PTPRD: variants seen among roughly 807,000 people sequenced by gnomAD.
PTPRD encodes the protein receptor-type tyrosine-protein phosphatase delta.
In PTPRD, 34 loss-of-function variants were observed where a neutral mutation model predicts 214.5. The ratio of observed to expected loss-of-function variants is 0.16; its 90% CI spans 0.12 to 0.21. The LOEUF (loss-of-function observed/expected upper bound fraction) is 0.21. Among genes scored for constraint, PTPRD ranks in the 10% least tolerant of loss-of-function variants. The probability of loss-of-function intolerance (pLI) is 1.00; values close to 1 mark genes in which losing one functional copy is unlikely to be tolerated. For synonymous variants in PTPRD, 1,128 were observed against 845.7 expected (o/e 1.33, Z -5.79); for missense variants, 2,545 against 2,398.7 (o/e 1.06, Z -1.27).
At chr9:10,150,659 A>T (rs577946032) in intron 3 of PTPRD, among the ~76,000 whole-genome samples, 14 of 144,406 alleles carry the variant, frequency 9.7e-5, no homozygotes, top group Admixed American at 2.7e-4. Flanking sequence ...AAAGTAAAAT[A>T]AAAAAAAAAC....
At chr9:9,493,684 A>T (rs1233123670) in intron 8 of PTPRD, among the ~76,000 whole-genome samples, 1 of 148,594 alleles carries the variant, frequency 6.7e-6, no homozygotes, top group Admixed American at 6.7e-5. Flanking sequence ...GCTACTCAGG[A>T]GGCTGAGGCA....
intron 14 of PTPRD, among the ~76,000 whole-genome samples, chr9:8,587,759 A>C (rs1035565094): frequency 6.6e-6 from 1 of 152,238 alleles, no homozygotes; most frequent in African/African-American, 2.4e-5. Context: ...AACATGTGTT[A>C]CAAGAAAGGA....
intron 10 of PTPRD, among the ~76,000 whole-genome samples, chr9:9,068,539 C>G (rs898424447): frequency 6.6e-6 from 1 of 152,112 alleles, no homozygotes; most frequent in Non-Finnish European, 1.5e-5. Flanking sequence ...TTTTGTGTCA[C>G]TTTTAACACT....
intron 12 of PTPRD, among the ~76,000 whole-genome samples, chr9:8,705,403 T>G (rs1159662266): frequency 6.6e-6 from 1 of 152,150 alleles, no homozygotes; most frequent in East Asian, 1.9e-4. Context: ...TACCTAAATT[T>G]GTTTTGAAAC....
At chr9:10,066,635 C>T (rs2097891160) in intron 3 of PTPRD, among the ~76,000 whole-genome samples, 1 of 151,862 alleles carries the variant, frequency 6.6e-6, no homozygotes, top group African/African-American at 2.4e-5. Context: ...TGGCATGCAC[C>T]ACAGCTTCCT....
At chr9:8,408,676 T>C (rs778317520) in intron 35 of PTPRD, among the ~76,000 whole-genome samples, 10 of 152,186 alleles carry the variant, frequency 6.6e-5, no homozygotes, top group Admixed American at 2.0e-4. Context: ...AAGACAGATA[T>C]TGGATGAACC....
chr9:10,125,141 T>G (rs2098806084), intron 3 of PTPRD, among the ~76,000 whole-genome samples: 1 of 152,164 alleles, frequency 6.6e-6, no homozygotes, highest in Non-Finnish European at 1.5e-5. Context: ...CAGAATTGAT[T>G]TGAATAAAAG....
At chr9:8,720,599 T>A (rs566776672) in intron 12 of PTPRD, among the ~76,000 whole-genome samples, 17 of 152,134 alleles carry the variant, frequency 1.1e-4, no homozygotes, top group Non-Finnish European at 2.1e-4. Context: ...AATTGACAAA[T>A]AAGAACAAGA....
chr9:10,036,684 A>T (rs944470975), intron 3 of PTPRD, among the ~76,000 whole-genome samples: 2 of 152,026 alleles, frequency 1.3e-5, no homozygotes, highest in African/African-American at 4.8e-5. Context: ...TCCTGGGTTC[A>T]AGTGATTCTC....
At chr9:10,598,708 T>TG (rs1368534175) in intron 2 of PTPRD, among the ~76,000 whole-genome samples, 5 of 66,742 alleles carry the variant, frequency 7.5e-5, no homozygotes, top group African/African-American at 2.2e-4. Flanking sequence ...GTGTGTGGTG[T>TG]GTGGTGTGTG....
At chr9:9,952,978 G>C (rs545552383) in intron 4 of PTPRD, among the ~76,000 whole-genome samples, 1 of 152,240 alleles carries the variant, frequency 6.6e-6, no homozygotes, top group East Asian at 1.9e-4. Flanking sequence ...TGTGGGGTAA[G>C]GAACATTGTG....
At chr9:10,087,469 G>A (rs1001591171) in intron 3 of PTPRD, among the ~76,000 whole-genome samples, 2 of 151,602 alleles carry the variant, frequency 1.3e-5, no homozygotes, top group Non-Finnish European at 3.0e-5. Flanking sequence ...TGATCCTTCA[G>A]AGTGTAGTTT....
At chr9:8,486,377 A>G (rs780130649) in intron 27 of PTPRD, 28 bp from the exon 28 acceptor site, 5 of 1,570,360 alleles carry the variant, frequency 3.2e-6, no homozygotes, top group Non-Finnish European at 4.4e-6. Context: ...GAGTGGTAAG[A>G]CCAACCAATC....
chr9:8,484,085 C>G lies in PTPRD; in HGVS notation c.3413+34G>C, dbSNP rs751868943. On this transcript the variant is annotated intron_variant, in intron 30 of 45. Transcript: ENST00000381196. ...ATAATGTTCCTATTTACCTATAATT[C>G]TTTCCTTCAGCCCTAAGCCTTCAAT... The G allele has an allele frequency of 3.8e-6, 6 of 1,592,376 alleles. No homozygotes were observed. The Admixed American group carries it at 1.0e-4, about 27-fold the overall frequency.
chr9:8,492,582 C>G (rs1244649034), intron 27 of PTPRD, among the ~76,000 whole-genome samples: 1 of 143,974 alleles, frequency 6.9e-6, no homozygotes, highest in Non-Finnish European at 1.5e-5. Context: ...ATCCCCAGTG[C>G]TGGTAACAGT....
At chr9:10,031,641 T>TAC (rs1332974172) in intron 4 of PTPRD, among the ~76,000 whole-genome samples, 1 of 74,176 alleles carries the variant, frequency 1.3e-5, no homozygotes, top group African/African-American at 9.9e-5. Flanking sequence ...TATATATATA[T>TAC]ATATATACAC....
chr9:9,192,880 C>CA (rs1593267410), intron 9 of PTPRD, among the ~76,000 whole-genome samples: 1 of 152,080 alleles, frequency 6.6e-6, no homozygotes, highest in Admixed American at 6.6e-5. Context: ...GTTCCTCCAG[C>CA]TAGAAAATCG....
At chr9:8,791,814 T>G (rs150801128) in intron 11 of PTPRD, among the ~76,000 whole-genome samples, 112 of 152,198 alleles carry the variant, frequency 7.4e-4, no homozygotes, top group African/African-American at 2.5e-3. Flanking sequence ...CTAAAAGCTC[T>G]TTTGACCCAG....
At chr9:9,890,618 G>A (rs895957465) in intron 5 of PTPRD, among the ~76,000 whole-genome samples, 1 of 151,988 alleles carries the variant, frequency 6.6e-6, no homozygotes, top group African/African-American at 2.4e-5. Flanking sequence ...AGCATAAAGA[G>A]CAGGTTCTGG....
Sources: gnomAD v4.1 joint callset for allele counts (sites outside exome capture counted in the v4.1 genomes callset) on GRCh38, gnomAD v4.1.1 for gene constraint, MANE v1.5 for transcripts, NCBI Gene and HGNC (gene_info 2026-07-23, HGNC 2026-07-21) for gene names.